Variants in TACC2 observed in about 807,000 individuals in gnomAD.
TACC2 encodes the protein transforming acidic coiled-coil-containing protein 2.
In TACC2, 137 loss-of-function variants were observed where a neutral mutation model predicts 227.3. The ratio of observed to expected loss-of-function variants is 0.60; its 90% CI spans 0.52 to 0.69. The LOEUF (loss-of-function observed/expected upper bound fraction) is 0.69. Ranked by LOEUF, TACC2 falls within the 30% of genes least tolerant of loss-of-function variation. The pLI, the probability that TACC2 is intolerant of heterozygous loss-of-function variation, is 0.00. For synonymous variants in TACC2, 1,523 were observed against 1,487.5 expected, an observed-to-expected ratio of 1.02 and a Z score of -0.55; for missense variants, 3,470 against 3,694.4, an observed-to-expected ratio of 0.94 and a Z score of 1.57.
intron 5 of TACC2, among the ~76,000 whole-genome samples, chr10:122,099,624 A>G (rs1240331297): frequency 6.6e-6 from 1 of 152,184 alleles, no homozygotes; most frequent in Non-Finnish European, 1.5e-5. Context: ...CACTGGCCCA[A>G]CTGGCTTTTG....
chr10:122,104,481 G>T (rs1168234993), intron 5 of TACC2, among the ~76,000 whole-genome samples: 1 of 151,982 alleles, frequency 6.6e-6, no homozygotes, highest in African/African-American at 2.4e-5. Context: ...TGATTCTCCT[G>T]CCTCAACCTC....
At chr10:122,004,915 AAG>A (rs1421036870) in intron 1 of TACC2, among the ~76,000 whole-genome samples, 5 of 151,976 alleles carry the variant, frequency 3.3e-5, no homozygotes, top group African/African-American at 1.2e-4. Context: ...CCTTTTATCT[AAG>A]AGTTGTTTTA....
rs763114778 is a variant in TACC2 at position 122,083,841 on chromosome 10, G to A, written c.1341G>A (p.Lys447=). 6.2e-7 allele frequency: 1 copy of A among 1,614,200 alleles called. No individual in the cohort carries two copies. Among genetic ancestry groups the A allele is most frequent in the Non-Finnish European group, 8.5e-7 (1 of 1,180,042 alleles). Residue 447 remains lysine, a synonymous_variant, in exon 4 of 23, where the codon AAG becomes AAA. Transcript: ENST00000369005. ...CATCATCCAGGGAATCAGTTTCCAA[G>A]GCTGGGATGCCAGTTTCTGCAGATG... ...PGSSSRESVS[K]AGMPVSADAA... is the part of the protein sequence containing the mutation.
chr10:122,144,484 C>T (rs747517827), intron 7 of TACC2, among the ~76,000 whole-genome samples: 5 of 152,176 alleles, frequency 3.3e-5, no homozygotes, highest in Non-Finnish European at 7.3e-5. Context: ...GAGCCAAATG[C>T]ATCTGGGTGT....
At chr10:122,037,204 A>G (rs1354390801) in intron 2 of TACC2, among the ~76,000 whole-genome samples, 1 of 152,252 alleles carries the variant, frequency 6.6e-6, no homozygotes, top group Non-Finnish European at 1.5e-5. Flanking sequence ...TCAGCAAAGA[A>G]GGCCGGTGTG....
At chr10:122,236,525 C>T (rs975855060) in intron 16 of TACC2, among the ~76,000 whole-genome samples, 1 of 152,164 alleles carries the variant, frequency 6.6e-6, no homozygotes, top group Non-Finnish European at 1.5e-5. Flanking sequence ...CTGCTAACAC[C>T]GCATTTCAAC....
chr10:122,168,187 G>C (rs1371636090), intron 7 of TACC2, among the ~76,000 whole-genome samples: 2 of 151,918 alleles, frequency 1.3e-5, no homozygotes, highest in East Asian at 3.9e-4. Context: ...TCACAGGCAT[G>C]AGCCAGCGCA....
intron 6 of TACC2, among the ~76,000 whole-genome samples, chr10:122,138,451 A>G (rs2090038573): frequency 6.6e-6 from 1 of 152,166 alleles, no homozygotes; most frequent in Non-Finnish European, 1.5e-5. Context: ...CGGAAATTGC[A>G]GTGAGCCGAG....
intron 5 of TACC2, among the ~76,000 whole-genome samples, chr10:122,119,918 C>A (rs1565353855): frequency 8.6e-6 from 1 of 116,012 alleles, no homozygotes; most frequent in Admixed American, 9.0e-5. Flanking sequence ...GACTCCTTCT[C>A]AAAAGAAAAA....
At chr10:122,185,188 T>G (rs1426929149) in intron 7 of TACC2, among the ~76,000 whole-genome samples, 1 of 144,446 alleles carries the variant, frequency 6.9e-6, no homozygotes, top group African/African-American at 2.6e-5. Context: ...TTTTCTTTCT[T>G]TTTTTTTTTT....
intron 5 of TACC2, among the ~76,000 whole-genome samples, chr10:122,105,884 A>G (rs1243590037): frequency 2.7e-5 from 4 of 150,238 alleles, no homozygotes; most frequent in African/African-American, 9.8e-5. Flanking sequence ...CAGCCTCCCA[A>G]AGTGCTGGGA....
chr10:122,228,154 C>G, intron 14 of TACC2, 146 bp downstream of exon 14: 1 of 763,616 alleles, frequency 1.3e-6, no homozygotes, highest in Non-Finnish European at 2.1e-6. Context: ...CAGAAGCCAA[C>G]CTGGGAAATC....
At position 122,231,055 on chromosome 10, in the gene TACC2, T is replaced by C. The variant is rs113852938; in HGVS notation, c.8127+615T>C. Among the ~76,000 whole-genome samples, 23 of 152,308 alleles carry C rather than the reference T, an allele frequency of 1.5e-4. 3 individuals carry two copies. The highest frequency in any genetic ancestry group is 5.3e-4 in the African/African-American group (22 of 41,572). The stretch of plus-strand genomic sequence containing the variant: ...TCCAATAAAACTTTTATTTGTCTGT[T>C]TGTTTGTTTGTTTTTTTACAAAAAA... On this transcript the variant is annotated intron_variant, in intron 16 of 22. Transcript: ENST00000369005.
At chr10:122,068,233 T>C (rs2077599309) in intron 3 of TACC2, among the ~76,000 whole-genome samples, 2 of 152,208 alleles carry the variant, frequency 1.3e-5, no homozygotes, top group South Asian at 4.1e-4. Context: ...TCTAGCCTCC[T>C]GAACATATGG....
intron 11 of TACC2, among the ~76,000 whole-genome samples, chr10:122,219,888 A>G (rs1429444276): frequency 1.3e-5 from 2 of 151,984 alleles, no homozygotes; most frequent in African/African-American, 4.8e-5. Flanking sequence ...AAATACAAAA[A>G]TTAGCTGGGC....
intron 7 of TACC2, among the ~76,000 whole-genome samples, chr10:122,147,129 G>A (rs2091471335): frequency 6.6e-6 from 1 of 151,894 alleles, no homozygotes; most frequent in African/African-American, 2.4e-5. Context: ...CATGTTTGTT[G>A]ACTGTCTCCA....
intron 8 of TACC2, among the ~76,000 whole-genome samples, chr10:122,197,816 G>A (rs2094625016): frequency 6.6e-6 from 1 of 152,206 alleles, no homozygotes; most frequent in Admixed American, 6.5e-5. Context: ...CATTTGATTT[G>A]CTGCCCTGGT....
rs376962666 is a variant in TACC2, at chr10:122,082,853, C to T, written c.353C>T (p.Pro118Leu). Residue 118 changes from proline (P) to leucine (L), a missense_variant, in exon 4 of 23, where the codon CCG becomes CTG. By Grantham distance (98) the Pro-to-Leu change is moderately conservative. Transcript: ENST00000369005. ...SSSMPFAECP[P>L]EGCLASPAAA... is the part of the protein sequence containing the mutation. ...TCCATGCCCTTTGCCGAGTGTCCCC[C>T]GGAAGGTTGCTTGGCAAGTCCAGCA... is the stretch of plus-strand genomic sequence containing the variant. 46 of 1,613,426 alleles carry T rather than the reference C, an allele frequency of 2.9e-5. No homozygotes were observed. Among genetic ancestry groups the T allele is most frequent in the East Asian group, 8.9e-5 (4 of 44,856 alleles).
At chr10:122,088,646 C>G (rs2080356213) in intron 5 of TACC2, 55 bp downstream of exon 5, 1 of 1,582,382 alleles carries the variant, frequency 6.3e-7, no homozygotes, top group Non-Finnish European at 8.6e-7. Flanking sequence ...TAGATACAGA[C>G]ACACTGGATG....
Sources: gnomAD v4.1 joint callset for allele counts (sites outside exome capture counted in the v4.1 genomes callset) on GRCh38, gnomAD v4.1.1 for gene constraint, MANE v1.5 for transcripts, NCBI Gene and HGNC (gene_info 2026-07-23, HGNC 2026-07-21) for gene names.